YAF2: variants seen among roughly 807,000 people sequenced by gnomAD.
The protein encoded by YAF2 is YY1 associated factor 2, also known as YY1-associated factor 2.
In YAF2, 7 loss-of-function variants were observed where a neutral mutation model predicts 20.1. The observed-to-expected ratio is 0.35, with a 90% CI of 0.20 to 0.65. YAF2 has a LOEUF of 0.65. Among genes scored for constraint, YAF2 ranks in the 30% least tolerant of loss-of-function variants. The probability of loss-of-function intolerance (pLI) is 0.69; values close to 1 mark genes in which losing one functional copy is unlikely to be tolerated. For synonymous variants in YAF2, 74 were observed against 76.0 expected, an observed-to-expected ratio of 0.97 and a Z score of 0.14; for missense variants, 151 against 219.2, an observed-to-expected ratio of 0.69 and a Z score of 1.96.
At position 42,161,702 on chromosome 12, in the gene YAF2, T is replaced by A. The variant is rs1441154327; in HGVS notation, c.216A>T (p.Thr72=). ...TATCTTTTTTCTCTTTCTTTGACTG[T>A]GTAGGAGGCACAAACTGCTGAGTAA... ...QQVTQQFVPP[T]QSKKEKKDKV... The change falls in exon 3 of 4, where the codon ACA becomes ACT. Residue 72 remains threonine (T), a synonymous_variant. Transcript: ENST00000534854. 9.3e-6 allele frequency: 15 copies of A among 1,610,918 alleles called. No homozygotes were observed. Among genetic ancestry groups the A allele is most frequent in the Non-Finnish European group, 1.2e-5 (14 of 1,179,314 alleles).
At position 42,159,632 on chromosome 12, in the gene YAF2, T is replaced by C. The variant is rs953459546; in HGVS notation, c.*957A>G. On this transcript the variant is annotated 3_prime_UTR_variant, in exon 4 of 4. Transcript: ENST00000534854. ...GATTTAAAATTAGTTATTTCCCATT[T>C]CTGTGCAATAATTCCCATTTCTGTT... The C allele has an allele frequency of 6.6e-6, 1 of 152,148 alleles. No individual in the cohort carries two copies. The highest frequency in any genetic ancestry group is 1.5e-5 in the Non-Finnish European group (1 of 67,948). 9.4% of individuals were successfully genotyped at this position (152,148 alleles called of 1,614,324 possible).
At chr12:42,192,053 AC>A (rs1592212402) in intron 2 of YAF2, among the ~76,000 whole-genome samples, 1 of 151,960 alleles carries the variant, frequency 6.6e-6, no homozygotes, top group Non-Finnish European at 1.5e-5. Context: ...AAAAAAAAAA[AC>A]AAAACATACA....
chr12:42,237,755 G>A, intron 1 of YAF2, 31 bp from the exon 2 acceptor site: 1 of 1,479,490 alleles, frequency 6.8e-7, no homozygotes, highest in Non-Finnish European at 9.0e-7. Context: ...ACGACGCGGC[G>A]CGGGGTCACC....
rs80021708 is a variant in YAF2 at position 42,180,457 on chromosome 12, G to A, written c.153-18692C>T. ...AGTGATTCCTCCTGTCGGGACCCTT[G>A]AGAGAGCTGCAGCCCCAGCCACAAC... is the stretch of plus-strand genomic sequence containing the variant. On this transcript the variant is annotated intron_variant, in intron 2 of 3. Coordinates refer to ENST00000534854, the MANE Select transcript of YAF2 (RefSeq NM_005748.6). Among the ~76,000 whole-genome samples the A allele has an allele frequency of 1.5e-3, 231 of 152,258 alleles. 2 individuals are homozygous for A. The highest frequency in any genetic ancestry group is 5.3e-3 in the African/African-American group (219 of 41,550).
rs545752711 is a variant in YAF2, at chr12:42,232,479, A to C, written c.152+5120T>G. 4 of 985,454 alleles carry C rather than the reference A, an allele frequency of 4.1e-6. No homozygotes were observed. The African/African-American group carries it at 7.0e-5, about 17-fold the overall frequency. 61.0% of individuals were successfully genotyped at this position (985,454 alleles called of 1,614,324 possible). ...AAAATTTACCCATATACAATTAACCAGTGTGAGTCCTCTTACAGGACAAAA... is the reference window on the plus strand; with the variant it reads ...AAAATTTACCCATATACAATTAACCCGTGTGAGTCCTCTTACAGGACAAAA... On this transcript the variant is annotated intron_variant, in intron 2 of 3. Transcript: ENST00000534854.
At chr12:42,197,012 A>G (rs557603245) in intron 2 of YAF2, among the ~76,000 whole-genome samples, 1 of 152,344 alleles carries the variant, frequency 6.6e-6, no homozygotes, top group East Asian at 1.9e-4. Flanking sequence ...TGTTTTGTTC[A>G]CTTCTCAGAA....
At chr12:42,233,469 A>G in intron 2 of YAF2, 2 of 983,290 alleles carry the variant, frequency 2.0e-6, no homozygotes, top group Non-Finnish European at 2.4e-6. Flanking sequence ...TCACCCTCAT[A>G]CAGACTATCC....
Position 42,160,411 on chromosome 12 carries a change from T to C in YAF2, c.*178A>G. ...GACCAAAATGTTAAGTCTGGAAATG[T>C]TTGGTAGGCATCATTGCAATAAAAT... On this transcript the variant is annotated 3_prime_UTR_variant, in exon 4 of 4. Coordinates refer to ENST00000534854, the MANE Select transcript of YAF2 (RefSeq NM_005748.6). 1.7e-6 allele frequency: 1 copy of C among 583,522 alleles called. No individual in the cohort carries two copies. Among genetic ancestry groups the C allele is most frequent in the Non-Finnish European group, 3.0e-6 (1 of 334,862 alleles). 36.1% of individuals were successfully genotyped at this position (583,522 alleles called of 1,614,324 possible).
chr12:42,238,208 TCGC>T lies in YAF2; in HGVS notation c.-31_-29del. 2.9e-6 allele frequency: 4 copies of T among 1,367,900 alleles called. No individual in the cohort carries two copies. The highest frequency in any genetic ancestry group is 3.9e-6 in the Non-Finnish European group (4 of 1,037,970). 84.7% of individuals were successfully genotyped at this position (1,367,900 alleles called of 1,614,324 possible). On this transcript the variant is annotated 5_prime_UTR_variant, in exon 1 of 4. Coordinates refer to ENST00000534854, the MANE Select transcript of YAF2 (RefSeq NM_005748.6). ...CTTGGCTATCACCGCACGCCGAGAG[TCGC>T]CGCCGCGACCGCTCTGTTTGTCAAT...
chr12:42,237,372 TA>T lies in YAF2; in HGVS notation c.152+226del, dbSNP rs920298687. Reference sequence around the variant, plus strand: ...TAGCTAATGCCTCCCTTAAATAATTTATTCTCTCTTGGCAGCAAAAAACGTT... The same window carrying T: ...TAGCTAATGCCTCCCTTAAATAATTTTTCTCTCTTGGCAGCAAAAAACGTT... On this transcript the variant is annotated intron_variant, in intron 2 of 3. Transcript: ENST00000534854. 57 of 1,220,142 alleles carry T rather than the reference TA, an allele frequency of 4.7e-5. No homozygotes were observed. The African/African-American group carries it at 7.7e-4, about 16-fold the overall frequency. 75.6% of individuals were successfully genotyped at this position (1,220,142 alleles called of 1,614,324 possible). A position where few individuals can be genotyped will look rare whatever the true frequency, so the allele number is the denominator to read the frequency against.
intron 2 of YAF2, among the ~76,000 whole-genome samples, chr12:42,221,807 T>C (rs771448043): frequency 5.3e-5 from 8 of 152,214 alleles, no homozygotes; most frequent in Middle Eastern, 3.2e-3. Flanking sequence ...AAGAAGGTTT[T>C]GAAAACAATA....
intron 2 of YAF2, chr12:42,199,412 T>C (rs1781362122): frequency 3.9e-6 from 1 of 258,820 alleles, no homozygotes; most frequent in Admixed American, 5.3e-5. Context: ...TATTCAACTT[T>C]ATCCTTTCTC....
chr12:42,231,958 C>T (rs2067995904), intron 2 of YAF2: 1 of 152,112 alleles, frequency 6.6e-6, no homozygotes, highest in Non-Finnish European at 1.5e-5. Context: ...GGTAGTCTTT[C>T]AAGTAAAAAT....
At chr12:42,217,250 G>A (rs1436996125) in intron 2 of YAF2, among the ~76,000 whole-genome samples, 1 of 151,988 alleles carries the variant, frequency 6.6e-6, no homozygotes, top group Non-Finnish European at 1.5e-5. Flanking sequence ...CCAGTAAAAT[G>A]GGTATAATTT....
chr12:42,158,192 A>G lies in YAF2; in HGVS notation c.*2397T>C, dbSNP rs925493119. 2 of 152,170 alleles carry G rather than the reference A, an allele frequency of 1.3e-5. No individual in the cohort carries two copies. Among genetic ancestry groups the G allele is most frequent in the Non-Finnish European group, 2.9e-5 (2 of 68,030 alleles). The allele number at this position is 152,170 out of a possible 1,614,324, so 9.4% of individuals were successfully genotyped here. A position where few individuals can be genotyped will look rare whatever the true frequency, so the allele number is the denominator to read the frequency against. On this transcript the variant is annotated 3_prime_UTR_variant, in exon 4 of 4. Coordinates refer to ENST00000534854, the MANE Select transcript of YAF2 (RefSeq NM_005748.6). Reference sequence around the variant, plus strand: ...CAGGTTGAGATACCTGTGATTAATAAAAGTAAAATAATTTCAAGTCAACTT... The same window carrying G: ...CAGGTTGAGATACCTGTGATTAATAGAAGTAAAATAATTTCAAGTCAACTT...
chr12:42,189,686 T>C (rs966176986), intron 2 of YAF2, among the ~76,000 whole-genome samples: 20 of 152,328 alleles, frequency 1.3e-4, no homozygotes, highest in Admixed American at 1.3e-3. Context: ...ATGCCTTTTT[T>C]GCAGCAAATA....
At chr12:42,174,153 C>T (rs2066123440) in intron 2 of YAF2, among the ~76,000 whole-genome samples, 1 of 152,034 alleles carries the variant, frequency 6.6e-6, no homozygotes, top group African/African-American at 2.4e-5. Context: ...TAGCCACTGC[C>T]CCATTTGTTT....
chr12:42,223,210 T>C (rs541416028), intron 2 of YAF2, among the ~76,000 whole-genome samples: 1 of 152,160 alleles, frequency 6.6e-6, no homozygotes, highest in African/African-American at 2.4e-5. Context: ...TCTTTGCTTA[T>C]TCCTCTTTCC....
chr12:42,205,563 C>A (rs1469990616), intron 2 of YAF2, among the ~76,000 whole-genome samples: 1 of 152,080 alleles, frequency 6.6e-6, no homozygotes, highest in Non-Finnish European at 1.5e-5. Flanking sequence ...TTAGTAGAGA[C>A]AGGCTTTCAC....
Sources: allele counts gnomAD v4.1 joint callset (sites outside exome capture counted in the v4.1 genomes callset), GRCh38; gene constraint gnomAD v4.1.1; transcripts MANE v1.5; gene names NCBI Gene and HGNC (gene_info 2026-07-23, HGNC 2026-07-21).